Variants in PIEZO2 observed in about 807,000 individuals in gnomAD.
The protein encoded by PIEZO2 is piezo type mechanosensitive ion channel component 2, also known as piezo-type mechanosensitive ion channel component 2.
Under a neutral mutation model 337.3 loss-of-function variants are expected in PIEZO2, and 172 were observed. The ratio of observed to expected loss-of-function variants is 0.51; its 90% CI spans 0.45 to 0.58. PIEZO2 has a LOEUF of 0.58. Among genes scored for constraint, PIEZO2 ranks in the 20% least tolerant of loss-of-function variants. PIEZO2 has a pLI of 0.00. For missense variants in PIEZO2, 3,028 were observed against 3,391.3 expected (o/e 0.89, Z 2.66); for synonymous variants, 1,251 against 1,228.5 (o/e 1.02, Z -0.38).
chr18:11,071,192 T>C (rs1337208580), intron 1 of PIEZO2, among the ~76,000 whole-genome samples: 2 of 152,168 alleles, frequency 1.3e-5, no homozygotes, highest in Non-Finnish European at 2.9e-5. Context: ...ACCTCCTTTC[T>C]TAAAGGTTCA....
rs2037332443 is a variant in PIEZO2 at position 10,744,151 on chromosome 18, A to G, written c.4505T>C (p.Leu1502Pro). The change falls in exon 31 of 56, where the codon CTG (leucine) becomes CCG (proline). Residue 1502 changes from leucine to proline, a missense_variant. Around this residue, in one of 5 missense-constraint regions of PIEZO2, gnomAD observed 1,925 missense variants for 2,051.9 expected, o/e 0.94. Transcript: ENST00000674853. ...TCAATAGCATCCTTACTGTCGCTTC[A>G]GCTGGTCCATGGACTTCTTCTCTTC... ...IEEEKKSMDQ[L>P]KRQMDRIKAR... 1 of 1,534,842 alleles carries G rather than the reference A, an allele frequency of 6.5e-7. No homozygotes were observed. Among genetic ancestry groups the G allele is most frequent in the Non-Finnish European group, 8.7e-7 (1 of 1,144,914 alleles).
chr18:10,902,832 G>A (rs1040416960), intron 4 of PIEZO2, among the ~76,000 whole-genome samples: 1 of 152,212 alleles, frequency 6.6e-6, no homozygotes, highest in Non-Finnish European at 1.5e-5. Flanking sequence ...CCAAAAGGAA[G>A]GGATGGAGAA....
At position 10,750,181 on chromosome 18, in the gene PIEZO2, C is replaced by T; in HGVS notation, c.4174G>A (p.Ala1392Thr). 1.3e-6 allele frequency: 2 copies of T among 1,536,518 alleles called. No homozygotes were observed. The highest frequency in any genetic ancestry group is 1.7e-6 in the Non-Finnish European group (2 of 1,146,300). The change falls in exon 29 of 56, where the codon GCA (alanine) becomes ACA (threonine). Residue 1392 changes from alanine (A) to threonine (T), a missense_variant. By Grantham distance (58) the Ala-to-Thr change is moderately conservative. Coordinates refer to ENST00000674853, the MANE Select transcript of PIEZO2 (RefSeq NM_001378183.1). This position sits in a 1 kb window ranked among gnomAD's most constrained non-coding sequence, Gnocchi z 4.1. Reference sequence around the variant, plus strand: ...ACCAATGTTCCAATGTATCCACATGCTCCTATCTGAAAAACAAAAGAGGGG... The same window carrying T: ...ACCAATGTTCCAATGTATCCACATGTTCCTATCTGAAAAACAAAAGAGGGG... ...ITMKNILSIG[A>T]CGYIGTLVHN...
chr18:11,005,588 T>C (rs923468467), intron 2 of PIEZO2, among the ~76,000 whole-genome samples: 4 of 152,014 alleles, frequency 2.6e-5, no homozygotes, highest in Admixed American at 6.5e-5. Flanking sequence ...CGACTGCTAA[T>C]GTGCTTCAGC....
Position 10,913,041 on chromosome 18 carries a change from A to C in PIEZO2, c.287-1813T>G, listed in dbSNP as rs189688834. ...CCCCTGGCCCAGGGGAGTGGGTCCC[A>C]TGTGAATGTCTTCTGACCTGTGAGT... On this transcript the variant is annotated intron_variant, in intron 3 of 55. Coordinates refer to ENST00000674853, the MANE Select transcript of PIEZO2 (RefSeq NM_001378183.1). Among the ~76,000 whole-genome samples, 3 of 152,064 alleles carry C rather than the reference A, an allele frequency of 2.0e-5. No individual in the cohort carries two copies. The East Asian group carries it at 5.8e-4, about 29-fold the overall frequency.
intron 1 of PIEZO2, among the ~76,000 whole-genome samples, chr18:11,107,649 GT>G (rs1485140571): frequency 6.6e-6 from 1 of 152,204 alleles, no homozygotes; most frequent in Non-Finnish European, 1.5e-5. Flanking sequence ...ATATTAATGA[GT>G]TTGAAATGCT....
At chr18:10,987,712 C>T (rs558672714) in intron 2 of PIEZO2, among the ~76,000 whole-genome samples, 30 of 151,794 alleles carry the variant, frequency 2.0e-4, no homozygotes, top group South Asian at 6.2e-4. Flanking sequence ...TGAAATTTAA[C>T]GACTTCTGCA....
At chr18:11,005,353 A>C (rs1361700183) in intron 2 of PIEZO2, among the ~76,000 whole-genome samples, 4 of 152,158 alleles carry the variant, frequency 2.6e-5, no homozygotes, top group Admixed American at 1.3e-4. Flanking sequence ...GCCCAATATA[A>C]CTTTGCGTTT....
intron 1 of PIEZO2, among the ~76,000 whole-genome samples, chr18:11,114,281 C>T (rs769725752): frequency 6.6e-6 from 1 of 152,192 alleles, no homozygotes; most frequent in Non-Finnish European, 1.5e-5. Flanking sequence ...AGCTTATCTA[C>T]CTAGGACACT....
chr18:10,789,120 T>C lies in PIEZO2; in HGVS notation c.2128A>G (p.Ile710Val), dbSNP rs1169461234. The change falls in exon 15 of 56, where the codon ATC (isoleucine) becomes GTC (valine). Residue 710 changes from isoleucine to valine, a missense_variant. Transcript: ENST00000674853. Reference sequence around the variant, plus strand: ...CAGAACAGGAACAGCACCATGTAGATGATTTTGTACATTACGATTTTACCC... The same window carrying C: ...CAGAACAGGAACAGCACCATGTAGACGATTTTGTACATTACGATTTTACCC... ...FEGKIVMYKI[I>V]YMVLFLFCVA... The C allele has an allele frequency of 2.0e-6, 3 of 1,537,276 alleles. No individual in the cohort carries two copies. The highest frequency in any genetic ancestry group is 2.6e-6 in the Non-Finnish European group (3 of 1,146,904).
chr18:11,058,286 AC>A (rs1202229778), intron 2 of PIEZO2, among the ~76,000 whole-genome samples: 1 of 152,192 alleles, frequency 6.6e-6, no homozygotes, highest in Non-Finnish European at 1.5e-5. Flanking sequence ...GGACATCCAC[AC>A]CAAAACCCCA....
intron 7 of PIEZO2, among the ~76,000 whole-genome samples, chr18:10,812,710 C>T (rs11665145): frequency 0.39 from 59,549 of 151,674 alleles, 12,127 homozygotes; most frequent in East Asian, 0.7. Context: ...GGAGCACTTA[C>T]TTGCACGCTT....
chr18:10,692,446 C>G (rs2034889776), intron 47 of PIEZO2, among the ~76,000 whole-genome samples: 1 of 151,708 alleles, frequency 6.6e-6, no homozygotes, highest in Non-Finnish European at 1.5e-5. Flanking sequence ...TGTCCCCTGC[C>G]TCCCTCCCTC....
chr18:10,783,790 C>G lies in PIEZO2; in HGVS notation c.2492+994G>C, dbSNP rs889187568. Among the ~76,000 whole-genome samples the G allele has an allele frequency of 2.0e-5, 3 of 152,160 alleles. No homozygotes were observed. The highest frequency in any genetic ancestry group is 7.2e-5 in the African/African-American group (3 of 41,428). On this transcript the variant is annotated intron_variant, in intron 17 of 55. Transcript: ENST00000674853. This position sits in a 1 kb window ranked among gnomAD's most constrained non-coding sequence, Gnocchi z 4.3. ...GAAAAGTGAATCTGCTGGTCATAAA[C>G]AAGGATTATAAAATGTTTCTCATCA...
At position 10,899,251 on chromosome 18, in the gene PIEZO2, T is replaced by C. The variant is rs538608319; in HGVS notation, c.329+11935A>G. On this transcript the variant is annotated intron_variant, in intron 4 of 55. Coordinates refer to ENST00000674853, the MANE Select transcript of PIEZO2 (RefSeq NM_001378183.1). This position sits in a 1 kb window ranked among gnomAD's most constrained non-coding sequence, Gnocchi z 4.6. Reference sequence around the variant, plus strand: ...CAATACTGGGACAATCCTGTAGTTGTTCGCTACTTCAAATATTCTGTGTAA... The same window carrying C: ...CAATACTGGGACAATCCTGTAGTTGCTCGCTACTTCAAATATTCTGTGTAA... Among the ~76,000 whole-genome samples the C allele has an allele frequency of 1.1e-4, 17 of 152,332 alleles. No homozygotes were observed. The highest frequency in any genetic ancestry group is 5.2e-4 in the Admixed American group (8 of 15,302).
intron 2 of PIEZO2, among the ~76,000 whole-genome samples, chr18:10,991,492 G>C (rs891755071): frequency 2.0e-5 from 3 of 147,382 alleles, no homozygotes; most frequent in Admixed American, 7.2e-5. Flanking sequence ...TTGGTTTTCT[G>C]TTCCTGCGTT....
At position 10,786,887 on chromosome 18, in the gene PIEZO2, C is replaced by T; in HGVS notation, c.2318+149G>A. ...AGCTAAGGGCTAAGTAAAGAGAACA[C>T]AAAAACGACTCAGTTTTAATTTCTA... On this transcript the variant is annotated intron_variant, in intron 16 of 55. Coordinates refer to ENST00000674853, the MANE Select transcript of PIEZO2 (RefSeq NM_001378183.1). 8.8e-6 allele frequency: 7 copies of T among 793,378 alleles called. No individual in the cohort carries two copies. In the South Asian group the frequency reaches 1.2e-4, roughly 14 times the overall value. The allele number at this position is 793,378 out of a possible 1,614,324, so 49.1% of individuals were successfully genotyped here.
In PIEZO2 at chr18:10,812,047, A is replaced by T. The variant is rs189811239; in HGVS notation, c.918-4773T>A. Among the ~76,000 whole-genome samples, 426 of 152,272 alleles carry T rather than the reference A, an allele frequency of 2.8e-3. 5 individuals carry two copies. Among genetic ancestry groups the T allele is most frequent in the Admixed American group, 0.021 (322 of 15,298 alleles). On this transcript the variant is annotated intron_variant, in intron 7 of 55. Transcript: ENST00000674853. Reference sequence around the variant, plus strand: ...ACGGGGTTTCACCGTGTTAGCCAGGATGGTCTCGATCTCCTGACCTCGTGA... The same window carrying T: ...ACGGGGTTTCACCGTGTTAGCCAGGTTGGTCTCGATCTCCTGACCTCGTGA...
At chr18:11,024,281 C>CA (rs1314458614) in intron 2 of PIEZO2, among the ~76,000 whole-genome samples, 1 of 151,974 alleles carries the variant, frequency 6.6e-6, no homozygotes, top group African/African-American at 2.4e-5. Flanking sequence ...CGCGGTGGTT[C>CA]ACGCCTGTAA....
Sources: gnomAD v4.1 joint callset for allele counts (sites outside exome capture counted in the v4.1 genomes callset) on GRCh38, gnomAD v4.1.1 for gene constraint, gnomAD v4.1.1 regional missense constraint, Gnocchi (gnomAD v3.1) non-coding constraint, MANE v1.5 for transcripts, NCBI Gene and HGNC (gene_info 2026-07-23, HGNC 2026-07-21) for gene names.